Variants in PLEKHH2 observed in about 807,000 individuals in gnomAD.
PLEKHH2 encodes the protein pleckstrin homology, MyTH4 and FERM domain containing H2.
Under a neutral mutation model 187.9 loss-of-function variants are expected in PLEKHH2, and 129 were observed. The ratio of observed to expected loss-of-function variants is 0.69; its 90% CI spans 0.59 to 0.79. PLEKHH2 has a LOEUF of 0.79. PLEKHH2 is among the 30% of genes least tolerant of loss of function. The pLI, the probability that PLEKHH2 is intolerant of heterozygous loss-of-function variation, is 0.00. For synonymous variants in PLEKHH2, 686 were observed against 605.6 expected, an observed-to-expected ratio of 1.13 and a Z score of -1.95; for missense variants, 2,076 against 1,751.2, an observed-to-expected ratio of 1.19 and a Z score of -3.31.
chr2:43,757,155 C>G lies in PLEKHH2; in HGVS notation c.3832C>G (p.Pro1278Ala). Residue 1278 changes from proline (P) to alanine (A), a missense_variant, in exon 26 of 30, where the codon CCA becomes GCA. Pro to Ala is a conservative substitution (Grantham distance 27). Coordinates refer to ENST00000282406, the MANE Select transcript of PLEKHH2 (RefSeq NM_172069.4). ...IGDFERPFST[P>A]AGHVTNQCKV... Reference sequence around the variant, plus strand: ...AGATTTTGAAAGACCTTTCTCAACTCCAGCAGGGCATGTTACCAATCAGTG... The same window carrying G: ...AGATTTTGAAAGACCTTTCTCAACTGCAGCAGGGCATGTTACCAATCAGTG... 1 of 1,594,960 alleles carries G rather than the reference C, an allele frequency of 6.3e-7. No homozygotes were observed. Among genetic ancestry groups the G allele is most frequent in the Non-Finnish European group, 8.5e-7 (1 of 1,173,042 alleles).
intron 28 of PLEKHH2, among the ~76,000 whole-genome samples, chr2:43,763,990 C>G (rs756193645): frequency 6.6e-6 from 1 of 152,018 alleles, no homozygotes; most frequent in East Asian, 1.9e-4. Flanking sequence ...TATATTTTCT[C>G]ATTTTTCTGC....
chr2:43,738,215 TATC>T, intron 19 of PLEKHH2, 123 bp from the exon 20 acceptor site: 1 of 752,332 alleles, frequency 1.3e-6, no homozygotes. Context: ...TGATTAGTGT[TATC>T]ATAATATATC....
chr2:43,728,245 G>A (rs752489230), intron 17 of PLEKHH2, among the ~76,000 whole-genome samples: 5 of 151,898 alleles, frequency 3.3e-5, no homozygotes, highest in East Asian at 1.9e-4. Flanking sequence ...TTGGGAGGCC[G>A]AGGCAGGTGG....
In PLEKHH2 at chr2:43,765,685, G is replaced by T. The variant is rs894395598; in HGVS notation, c.*87G>T. On this transcript the variant is annotated 3_prime_UTR_variant, in exon 30 of 30. Transcript: ENST00000282406. Reference sequence around the variant, plus strand: ...CAAGTTCGTTTACACCTGGCAGCACGGCAGCCACACACCGGTATTCCAAAC... The same window carrying T: ...CAAGTTCGTTTACACCTGGCAGCACTGCAGCCACACACCGGTATTCCAAAC... 12 of 1,289,876 alleles carry T rather than the reference G, an allele frequency of 9.3e-6. No homozygotes were observed. In the African/African-American group the frequency reaches 1.5e-4, roughly 16 times the overall value. 79.9% of individuals were successfully genotyped at this position (1,289,876 alleles called of 1,614,324 possible).
intron 2 of PLEKHH2, among the ~76,000 whole-genome samples, chr2:43,645,358 T>C (rs1457961133): frequency 6.6e-6 from 1 of 152,196 alleles, no homozygotes; most frequent in East Asian, 1.9e-4. Flanking sequence ...TTTGTTCATT[T>C]ATTCATTCAA....
chr2:43,675,597 T>C, intron 2 of PLEKHH2: 1 of 1,613,722 alleles, frequency 6.2e-7, no homozygotes, highest in Non-Finnish European at 8.5e-7. Flanking sequence ...TTGTATTAAA[T>C]ACATCTCTTC....
intron 6 of PLEKHH2, 82 bp downstream of exon 6, chr2:43,695,306 G>A (rs1395527510): frequency 6.4e-6 from 4 of 623,510 alleles, no homozygotes; most frequent in South Asian, 4.5e-5. Flanking sequence ...TTAAAGATGC[G>A]ATTATGGATG....
At chr2:43,703,091 A>G (rs1320243231) in intron 8 of PLEKHH2, among the ~76,000 whole-genome samples, 1 of 152,192 alleles carries the variant, frequency 6.6e-6, no homozygotes, top group African/African-American at 2.4e-5. Context: ...TATTCAATCG[A>G]AAATGTCCCT....
rs138316808 is a variant in PLEKHH2 at position 43,699,768 on chromosome 2, C to T, written c.810C>T (p.Ala270=). The T allele has an allele frequency of 7.2e-4, 1,166 of 1,614,164 alleles. 5 individuals carry two copies. The African/African-American group carries it at 0.011, about 15-fold the overall frequency. Reference sequence around the variant, plus strand: ...ATCGGAAAACAAGAACAAGCTTTGCCACAGATGGTGGCATCTCCCAGAATT... The same window carrying T: ...ATCGGAAAACAAGAACAAGCTTTGCTACAGATGGTGGCATCTCCCAGAATT... ...EQNRKTRTSF[A]TDGGISQNSG... The change falls in exon 8 of 30, where the codon GCC becomes GCT. Residue 270 remains alanine (A), a synonymous_variant. Coordinates refer to ENST00000282406, the MANE Select transcript of PLEKHH2 (RefSeq NM_172069.4).
At chr2:43,658,379 T>C (rs1351678977) in intron 2 of PLEKHH2, among the ~76,000 whole-genome samples, 7 of 152,262 alleles carry the variant, frequency 4.6e-5, no homozygotes, top group Admixed American at 4.6e-4. Context: ...TCATCTGTAT[T>C]AGTTATCTAT....
rs188589461 is a variant in PLEKHH2 at position 43,698,598 on chromosome 2, C to G, written c.689-1049C>G. ...TGAGAAGCCATTTTCATTTCCTTCC[C>G]TTTTTCTAATAGTGGAGTACAGCTG... is the stretch of plus-strand genomic sequence containing the variant. On this transcript the variant is annotated intron_variant, in intron 7 of 29. Coordinates refer to ENST00000282406, the MANE Select transcript of PLEKHH2 (RefSeq NM_172069.4). Among the ~76,000 whole-genome samples the G allele has an allele frequency of 5.3e-5, 8 of 152,194 alleles. No homozygotes were observed. In the East Asian group the frequency reaches 1.4e-3, roughly 26 times the overall value.
chr2:43,695,217 A>T lies in PLEKHH2; in HGVS notation c.495A>T (p.Lys165Asn). 2 of 1,571,578 alleles carry T rather than the reference A, an allele frequency of 1.3e-6. No homozygotes were observed. Among genetic ancestry groups the T allele is most frequent in the African/African-American group, 1.3e-5 (1 of 74,250 alleles). ...AAGAGATAAGAACAATGCAGTCAAA[A>T]CTACAAGGTACAAATACTTTACTAA... ...QTEEIRTMQS[K>N]LQEVQGKKSS... Residue 165 changes from lysine to asparagine, a missense_variant, in exon 6 of 30, where the codon AAA becomes AAT. Transcript: ENST00000282406.
intron 16 of PLEKHH2, among the ~76,000 whole-genome samples, chr2:43,725,794 A>G (rs1275666345): frequency 6.6e-6 from 1 of 152,158 alleles, no homozygotes; most frequent in Non-Finnish European, 1.5e-5. Flanking sequence ...GGATAATCAA[A>G]TTGCCTCTAG....
chr2:43,652,726 G>A (rs1398032348), intron 2 of PLEKHH2, among the ~76,000 whole-genome samples: 1 of 152,150 alleles, frequency 6.6e-6, no homozygotes, highest in African/African-American at 2.4e-5. Context: ...TTAAACCTAC[G>A]TATCACATCA....
chr2:43,644,128 A>C (rs1318419496), intron 1 of PLEKHH2, among the ~76,000 whole-genome samples: 2 of 152,110 alleles, frequency 1.3e-5, no homozygotes, highest in African/African-American at 4.8e-5. Context: ...CCAAATTGAG[A>C]GTGATGATAA....
At chr2:43,740,731 T>A (rs968211811) in intron 20 of PLEKHH2, 1 of 761,282 alleles carries the variant, frequency 1.3e-6, no homozygotes, top group Non-Finnish European at 1.7e-6. Context: ...CAGTTGTAGA[T>A]AACCATACAC....
At chr2:43,739,271 A>G (rs1202922152) in intron 20 of PLEKHH2, among the ~76,000 whole-genome samples, 2 of 152,180 alleles carry the variant, frequency 1.3e-5, no homozygotes, top group African/African-American at 4.8e-5. Context: ...AACAACATTC[A>G]GTATATTTTA....
At chr2:43,745,724 C>T (rs79854002) in intron 23 of PLEKHH2, 142 bp from the exon 24 acceptor site, 256 of 573,730 alleles carry the variant, frequency 4.5e-4, no homozygotes, top group African/African-American at 3.8e-3. Flanking sequence ...AACTCAGAGC[C>T]GCACAGAGGC....
intron 24 of PLEKHH2, among the ~76,000 whole-genome samples, chr2:43,752,642 C>G (rs1479422392): frequency 2.0e-5 from 3 of 152,206 alleles, no homozygotes; most frequent in Non-Finnish European, 4.4e-5. Flanking sequence ...TTTCCAGCCA[C>G]TGTGTTGTCA....
Sources: allele counts gnomAD v4.1 joint callset (sites outside exome capture counted in the v4.1 genomes callset), GRCh38; gene constraint gnomAD v4.1.1; transcripts MANE v1.5; gene names NCBI Gene and HGNC (gene_info 2026-07-23, HGNC 2026-07-21).